MTX2: variants seen among roughly 807,000 people sequenced by gnomAD.
MTX2 encodes metaxin 2, also known as metaxin-2.
MTX2 carries 35 observed loss-of-function variants against 42.3 expected under a neutral mutation model. The observed-to-expected ratio is 0.83, with a 90% CI of 0.63 to 1.10. The LOEUF (loss-of-function observed/expected upper bound fraction) is 1.10. Ranked by LOEUF, MTX2 falls within the 50% of genes least tolerant of loss-of-function variation. The pLI is 0.00. For missense variants in MTX2, 307 were observed against 304.1 expected (o/e 1.01, Z -0.07); for synonymous variants, 119 against 100.9 (o/e 1.18, Z -1.08).
rs1223133258 is a variant in MTX2 at position 176,330,676 on chromosome 2, T to C, written c.620+16T>C. On this transcript the variant is annotated intron_variant, in intron 9 of 9. Transcript: ENST00000249442. ...TCAATAAGCAGTAAGAAATTTTACT[T>C]TTTTAAAGTTAATTTTCTGTACTGT... 1.3e-6 allele frequency: 2 copies of C among 1,569,864 alleles called. No homozygotes were observed. Among genetic ancestry groups the C allele is most frequent in the African/African-American group, 2.7e-5 (2 of 73,614 alleles).
At chr2:176,290,315 A>G (rs1693298835) in intron 1 of MTX2, among the ~76,000 whole-genome samples, 1 of 152,110 alleles carries the variant, frequency 6.6e-6, no homozygotes. Flanking sequence ...TCACTAATTC[A>G]TGTGTGTTCC....
intron 5 of MTX2, among the ~76,000 whole-genome samples, chr2:176,327,170 G>C (rs1684728108): frequency 6.6e-6 from 1 of 151,148 alleles, no homozygotes. Context: ...CAAAATGGTA[G>C]ATAATTTTCT....
At chr2:176,326,680 C>T in intron 4 of MTX2, 145 bp from the exon 5 acceptor site, 2 of 521,480 alleles carry the variant, frequency 3.8e-6, no homozygotes, top group South Asian at 5.5e-5. Flanking sequence ...ATTTAATATA[C>T]ACATCTGACA....
chr2:176,285,852 A>G (rs900912610), intron 1 of MTX2, among the ~76,000 whole-genome samples: 21 of 152,290 alleles, frequency 1.4e-4, no homozygotes, highest in African/African-American at 2.6e-4. Context: ...ACATTTGTAT[A>G]TAAGTCTTTA....
chr2:176,307,446 A>C (rs1331138273), intron 3 of MTX2, among the ~76,000 whole-genome samples: 2 of 152,206 alleles, frequency 1.3e-5, no homozygotes, highest in Non-Finnish European at 2.9e-5. Context: ...GAAAAAAGTC[A>C]TTGGTAGCTT....
intron 9 of MTX2, among the ~76,000 whole-genome samples, chr2:176,333,359 A>G (rs1460343328): frequency 2.0e-5 from 3 of 151,676 alleles, no homozygotes; most frequent in African/African-American, 7.2e-5. Flanking sequence ...CAGTAGAAAT[A>G]CTGGATAAAA....
intron 1 of MTX2, among the ~76,000 whole-genome samples, chr2:176,293,000 CTA>C (rs1232331922): frequency 6.6e-5 from 10 of 152,148 alleles, no homozygotes; most frequent in African/African-American, 2.2e-4. Context: ...GCATACAAAA[CTA>C]TGTGTAGTTC....
intron 4 of MTX2, among the ~76,000 whole-genome samples, chr2:176,324,115 CATG>C (rs1684648262): frequency 6.6e-6 from 1 of 151,064 alleles, no homozygotes; most frequent in South Asian, 2.1e-4. Flanking sequence ...ATATAATTAT[CATG>C]GATGATTATT....
chr2:176,319,306 G>A (rs1330079918), intron 3 of MTX2, among the ~76,000 whole-genome samples: 1 of 152,150 alleles, frequency 6.6e-6, no homozygotes, highest in East Asian at 1.9e-4. Flanking sequence ...AAGTCAAAGC[G>A]GAAGGTGACA....
intron 5 of MTX2, among the ~76,000 whole-genome samples, 166 bp from the exon 6 acceptor site, chr2:176,328,127 G>C (rs910819997): frequency 6.6e-6 from 1 of 151,158 alleles, no homozygotes; most frequent in African/African-American, 2.4e-5. Context: ...ATTTTGTAGT[G>C]ATAGCAGAGT....
chr2:176,300,758 A>G (rs1187098104), intron 3 of MTX2, among the ~76,000 whole-genome samples: 1 of 152,194 alleles, frequency 6.6e-6, no homozygotes, highest in Non-Finnish European at 1.5e-5. Flanking sequence ...GCTCAAATGT[A>G]AAATAGAAAT....
intron 3 of MTX2, among the ~76,000 whole-genome samples, chr2:176,322,479 C>T (rs1684608614): frequency 6.6e-6 from 1 of 151,836 alleles, no homozygotes; most frequent in Admixed American, 6.6e-5. Context: ...TATGACCTCC[C>T]CAATTGAATA....
chr2:176,296,710 A>T, intron 1 of MTX2, 150 bp from the exon 2 acceptor site: 3 of 718,928 alleles, frequency 4.2e-6, no homozygotes, highest in Non-Finnish European at 7.3e-6. Flanking sequence ...TTACCATAGA[A>T]TCTAAGATAG....
At chr2:176,277,657 C>T (rs1430891979) in intron 1 of MTX2, among the ~76,000 whole-genome samples, 2 of 152,204 alleles carry the variant, frequency 1.3e-5, no homozygotes, top group Non-Finnish European at 2.9e-5. Flanking sequence ...CCACCCCGGC[C>T]TCCCAAAGTG....
intron 3 of MTX2, among the ~76,000 whole-genome samples, chr2:176,302,759 C>A (rs1417391949): frequency 1.3e-5 from 2 of 152,070 alleles, no homozygotes; most frequent in East Asian, 3.9e-4. Context: ...TTTTTATAGG[C>A]CCCATTAATG....
chr2:176,287,152 A>G (rs1264068270), intron 1 of MTX2, among the ~76,000 whole-genome samples: 5 of 152,230 alleles, frequency 3.3e-5, no homozygotes, highest in African/African-American at 4.8e-5. Context: ...AGGCCACATG[A>G]TACCTCTAAA....
At chr2:176,276,905 C>A (rs944590414) in intron 1 of MTX2, among the ~76,000 whole-genome samples, 8 of 151,896 alleles carry the variant, frequency 5.3e-5, no homozygotes, top group African/African-American at 1.9e-4. Context: ...AATATCTGTT[C>A]TGTTCTTTAT....
intron 1 of MTX2, among the ~76,000 whole-genome samples, chr2:176,282,558 C>A (rs913205313): frequency 7.2e-5 from 11 of 152,026 alleles, no homozygotes; most frequent in Non-Finnish European, 1.2e-4. Context: ...TTCCTGTTTT[C>A]CTCAGGCAGA....
chr2:176,301,048 ATGTTTG>A (rs67562112), intron 3 of MTX2, among the ~76,000 whole-genome samples: 9,057 of 152,168 alleles, frequency 0.06, 296 homozygotes, highest in Non-Finnish European at 0.08. Context: ...TTTTTTGGAC[ATGTTTG>A]TGTTTGTGTG....
Sources: gnomAD v4.1 joint callset for allele counts (sites outside exome capture counted in the v4.1 genomes callset) on GRCh38, gnomAD v4.1.1 for gene constraint, MANE v1.5 for transcripts, NCBI Gene and HGNC (gene_info 2026-07-23, HGNC 2026-07-21) for gene names.